Variants in KLRF1 observed in about 807,000 individuals in gnomAD.
The protein encoded by KLRF1 is killer cell lectin like receptor F1, also known as killer cell lectin-like receptor subfamily F member 1.
KLRF1 carries 27 observed loss-of-function variants against 30.7 expected under a neutral mutation model. That is an observed-to-expected ratio of 0.88 (90% CI 0.65 to 1.21). The LOEUF (loss-of-function observed/expected upper bound fraction) is 1.21, where lower values mean the gene tolerates loss of function less well. Among genes scored for constraint, KLRF1 ranks in the 50% most tolerant of loss-of-function variants. KLRF1 has a pLI of 0.00. For synonymous variants in KLRF1, 92 were observed against 89.3 expected, an observed-to-expected ratio of 1.03 and a Z score of -0.17; for missense variants, 246 against 259.3, an observed-to-expected ratio of 0.95 and a Z score of 0.35.
At chr12:9,828,371 G>A (rs769090277) in intron 1 of KLRF1, among the ~76,000 whole-genome samples, 7 of 152,036 alleles carry the variant, frequency 4.6e-5, no homozygotes, top group South Asian at 2.1e-4. Context: ...ATGAGCCACC[G>A]CGCCCAGCCT....
At chr12:9,824,667 G>A (rs746824153), upstream of KLRF1, among the ~76,000 whole-genome samples, 54 of 152,250 alleles carry the variant, frequency 3.5e-4, 1 homozygote, top group African/African-American at 1.2e-3. Context: ...AAGAGAGGAC[G>A]TAAAACTATT....
intron 1 of KLRF1, among the ~76,000 whole-genome samples, chr12:9,828,977 A>G (rs1350731969): frequency 6.6e-6 from 1 of 152,166 alleles, no homozygotes; most frequent in South Asian, 2.1e-4. Flanking sequence ...TATGTCTTGT[A>G]CCTTTAGCTA....
intron 5 of KLRF1, among the ~76,000 whole-genome samples, chr12:9,843,076 G>A (rs1591763436): frequency 1.3e-5 from 2 of 152,090 alleles, no homozygotes; most frequent in Admixed American, 6.6e-5. Flanking sequence ...GAGGAATCTC[G>A]AGATAGGGAT....
At chr12:9,805,594 G>T in the KLRF1 span, among the ~76,000 whole-genome samples, 1 of 152,028 alleles carries the variant, frequency 6.6e-6, no homozygotes. Context: ...GTTTGTGCAA[G>T]ATTTGTATTA....
chr12:9,822,417 A>T, the KLRF1 span, among the ~76,000 whole-genome samples: 1 of 152,242 alleles, frequency 6.6e-6, no homozygotes, highest in South Asian at 2.1e-4. Flanking sequence ...AAGAACTTGA[A>T]GACTAGCCCT....
chr12:9,824,753 C>A (rs538731285), upstream of KLRF1, among the ~76,000 whole-genome samples: 38 of 152,260 alleles, frequency 2.5e-4, 1 homozygote, highest in South Asian at 5.6e-3. Context: ...AACTGATAAA[C>A]AACATCAGCA....
chr12:9,834,261 T>A (rs1233781884), intron 3 of KLRF1, among the ~76,000 whole-genome samples: 2 of 152,142 alleles, frequency 1.3e-5, no homozygotes, highest in Non-Finnish European at 2.9e-5. Flanking sequence ...ATTCTTCAGT[T>A]ACTTCAGGCC....
At chr12:9,835,853 GT>G (rs1184436793) in intron 3 of KLRF1, among the ~76,000 whole-genome samples, 1 of 152,054 alleles carries the variant, frequency 6.6e-6, no homozygotes, top group Non-Finnish European at 1.5e-5. Flanking sequence ...AAGGAGAAAG[GT>G]TTTTTAAGTA....
At position 9,844,818 on chromosome 12, in the gene KLRF1, T is replaced by G; in HGVS notation, c.*292T>G. 1 of 173,608 alleles carries G rather than the reference T, an allele frequency of 5.8e-6. No homozygotes were observed. The highest frequency in any genetic ancestry group is 1.2e-5 in the Non-Finnish European group (1 of 81,810). 10.8% of individuals were successfully genotyped at this position (173,608 alleles called of 1,614,324 possible). On this transcript the variant is annotated 3_prime_UTR_variant, in exon 6 of 6. Transcript: ENST00000617889. ...ATGCCAAATGTGATCAAATTATGCCTGTTTTTCTGTATCTTGCGTTTTAAA... is the reference window on the plus strand; with the variant it reads ...ATGCCAAATGTGATCAAATTATGCCGGTTTTTCTGTATCTTGCGTTTTAAA...
upstream of KLRF1, among the ~76,000 whole-genome samples, chr12:9,824,410 A>C (rs1388766752): frequency 6.6e-6 from 1 of 152,226 alleles, no homozygotes; most frequent in Non-Finnish European, 1.5e-5. Flanking sequence ...GGTTTCAATA[A>C]AACCAACACG....
At chr12:9,842,191 T>A in intron 4 of KLRF1, 130 bp from the exon 5 acceptor site, 1 of 936,112 alleles carries the variant, frequency 1.1e-6, no homozygotes, top group Non-Finnish European at 1.6e-6. Flanking sequence ...AATGTGTGTA[T>A]AAGTAAGATA....
upstream of KLRF1, among the ~76,000 whole-genome samples, chr12:9,826,106 G>A (rs1416346836): frequency 6.6e-6 from 1 of 151,584 alleles, no homozygotes; most frequent in Non-Finnish European, 1.5e-5. Context: ...TATTTAAAAG[G>A]GTATATTGTG....
At chr12:9,839,661 A>C (rs1867660660) in intron 3 of KLRF1, among the ~76,000 whole-genome samples, 1 of 152,066 alleles carries the variant, frequency 6.6e-6, no homozygotes, top group Non-Finnish European at 1.5e-5. Flanking sequence ...TGAAATCAAA[A>C]CCAGGGTGGA....
chr12:9,817,952 GT>G, the KLRF1 span: 1 of 210,448 alleles, frequency 4.8e-6, no homozygotes, highest in South Asian at 1.2e-4. Flanking sequence ...ATCTGAGGCA[GT>G]TTGGTCCTCA....
chr12:9,834,279 C>T (rs910774893), intron 3 of KLRF1, among the ~76,000 whole-genome samples: 3 of 151,948 alleles, frequency 2.0e-5, no homozygotes, highest in African/African-American at 7.3e-5. Flanking sequence ...GCCATCTGGG[C>T]GTATATACGT....
At chr12:9,811,851 A>G in the KLRF1 span, among the ~76,000 whole-genome samples, 1 of 152,228 alleles carries the variant, frequency 6.6e-6, no homozygotes, top group South Asian at 2.1e-4. Flanking sequence ...ATACTTATGA[A>G]TATTCATGAA....
At chr12:9,830,118 T>A (rs1189934435) in intron 1 of KLRF1, among the ~76,000 whole-genome samples, 1 of 152,208 alleles carries the variant, frequency 6.6e-6, no homozygotes, top group Non-Finnish European at 1.5e-5. Context: ...TTGTTTGTAT[T>A]GGGTTGGGAC....
intron 5 of KLRF1, 132 bp from the exon 6 acceptor site, chr12:9,844,286 G>T: frequency 1.8e-6 from 1 of 560,386 alleles, no homozygotes; most frequent in East Asian, 3.2e-5. Flanking sequence ...GTAATCGTTA[G>T]TGAATCCAAG....
At chr12:9,805,587 T>C in the KLRF1 span, among the ~76,000 whole-genome samples, 1 of 152,096 alleles carries the variant, frequency 6.6e-6, no homozygotes, top group Non-Finnish European at 1.5e-5. Context: ...TGGAAGAGTT[T>C]GTGCAAGATT....
Sources: allele counts gnomAD v4.1 joint callset (sites outside exome capture counted in the v4.1 genomes callset), GRCh38; gene constraint gnomAD v4.1.1; transcripts MANE v1.5; gene names NCBI Gene and HGNC (gene_info 2026-07-23, HGNC 2026-07-21).